Variants in MCCC1 observed in about 807,000 individuals in gnomAD.
MCCC1 encodes the protein methylcrotonyl-CoA carboxylase subunit 1, also known as methylcrotonoyl-CoA carboxylase subunit alpha, mitochondrial.
In MCCC1, 64 loss-of-function variants were observed where a neutral mutation model predicts 83.8. That is an observed-to-expected ratio of 0.76 (90% CI 0.62 to 0.94). The LOEUF is 0.94. Among genes scored for constraint, MCCC1 ranks in the 40% least tolerant of loss-of-function variants. The probability of loss-of-function intolerance (pLI) is 0.00; values close to 1 mark genes in which losing one functional copy is unlikely to be tolerated. For missense variants in MCCC1, 807 were observed against 904.7 expected, an observed-to-expected ratio of 0.89 and a Z score of 1.39; for synonymous variants, 322 against 315.4, an observed-to-expected ratio of 1.02 and a Z score of -0.22.
chr3:183,079,552 C>T (rs779472584), intron 4 of MCCC1, among the ~76,000 whole-genome samples: 7 of 152,200 alleles, frequency 4.6e-5, no homozygotes, highest in Non-Finnish European at 7.3e-5. Flanking sequence ...GGTATAGCCC[C>T]TCTCCTGGCA....
At chr3:183,085,251 A>G (rs1043404352) in intron 4 of MCCC1, among the ~76,000 whole-genome samples, 3 of 152,056 alleles carry the variant, frequency 2.0e-5, no homozygotes, top group Non-Finnish European at 4.4e-5. Context: ...TCAATCATCC[A>G]TTTCCCCACC....
At chr3:183,060,009 G>GT (rs1168099082) in intron 7 of MCCC1, among the ~76,000 whole-genome samples, 1 of 152,022 alleles carries the variant, frequency 6.6e-6, no homozygotes, top group Non-Finnish European at 1.5e-5. Flanking sequence ...TGGTTCTGTA[G>GT]TTTTGCATCT....
intron 12 of MCCC1, among the ~76,000 whole-genome samples, chr3:183,038,120 C>T (rs950128111): frequency 6.6e-6 from 1 of 152,188 alleles, no homozygotes; most frequent in African/African-American, 2.4e-5. Flanking sequence ...AGGAACAAAA[C>T]ATATGATGTC....
At chr3:183,076,254 TA>T (rs1717064635) in intron 4 of MCCC1, among the ~76,000 whole-genome samples, 1 of 152,208 alleles carries the variant, frequency 6.6e-6, no homozygotes, top group Admixed American at 6.5e-5. Context: ...GTTTTGCCTT[TA>T]AAAAAATTCA....
At chr3:183,110,380 C>G (rs1356268201) in intron 1 of MCCC1, among the ~76,000 whole-genome samples, 1 of 149,628 alleles carries the variant, frequency 6.7e-6, no homozygotes, top group Non-Finnish European at 1.5e-5. Context: ...AATTTTAGAT[C>G]CCTTTAGTCA....
intron 4 of MCCC1, among the ~76,000 whole-genome samples, chr3:183,084,507 G>T (rs778563190): frequency 2.0e-5 from 3 of 152,054 alleles, no homozygotes; most frequent in Non-Finnish European, 4.4e-5. Context: ...AACCAAAAAA[G>T]CTTCATAAAC....
intron 4 of MCCC1, among the ~76,000 whole-genome samples, chr3:183,084,430 C>T (rs1240979424): frequency 6.6e-6 from 1 of 152,152 alleles, no homozygotes; most frequent in African/African-American, 2.4e-5. Flanking sequence ...ATGTGAGATA[C>T]ATATGTATAT....
At chr3:183,084,485 A>T (rs1717747055) in intron 4 of MCCC1, among the ~76,000 whole-genome samples, 1 of 152,204 alleles carries the variant, frequency 6.6e-6, no homozygotes, top group African/African-American at 2.4e-5. Context: ...AGGACCTTTT[A>T]CTTCAAGCTG....
In MCCC1 at chr3:183,087,066, G is replaced by A. The variant is rs562632824; in HGVS notation, c.274-278C>T. Among the ~76,000 whole-genome samples the A allele has an allele frequency of 2.6e-5, 4 of 152,188 alleles. No homozygotes were observed. In the South Asian group the frequency reaches 8.3e-4, roughly 32 times the overall value. ...AAGTGTCTCAGGATAAAAAGCAACA[G>A]ACATTAGTCATGATATTATTACTAA... On this transcript the variant is annotated intron_variant, in intron 3 of 18. Transcript: ENST00000265594.
chr3:183,069,491 T>C (rs906778785), intron 7 of MCCC1, among the ~76,000 whole-genome samples: 4 of 152,162 alleles, frequency 2.6e-5, no homozygotes, highest in African/African-American at 9.7e-5. Context: ...CCCCTTTTTT[T>C]TTGCCTTAAT....
chr3:183,081,622 T>C (rs745586135), intron 4 of MCCC1, among the ~76,000 whole-genome samples: 24 of 152,214 alleles, frequency 1.6e-4, no homozygotes, highest in Middle Eastern at 3.2e-3. Context: ...GGTCAAGGAA[T>C]AGGCTGAGGT....
At position 183,071,055 on chromosome 3, in the gene MCCC1, A is replaced by G. The variant is rs1716633660; in HGVS notation, c.705T>C (p.Ala235=). ...TAGCATCATCATTGAAAGACTTCTT[A>G]GCTTCTCTCCGTGCTGACTCTAACT... ...QEQLESARRE[A]KKSFNDDAML... The change falls in exon 7 of 19, where the codon GCT becomes GCC. Residue 235 remains alanine, a synonymous_variant. Transcript: ENST00000265594. 1 of 1,614,112 alleles carries G rather than the reference A, an allele frequency of 6.2e-7. No homozygotes were observed. Among genetic ancestry groups the G allele is most frequent in the African/African-American group, 1.3e-5 (1 of 74,948 alleles).
chr3:183,052,638 C>A (rs1388528458), intron 8 of MCCC1, among the ~76,000 whole-genome samples: 1 of 150,790 alleles, frequency 6.6e-6, no homozygotes, highest in African/African-American at 2.4e-5. Context: ...GAAACCCTGT[C>A]TCTACTAAAA....
At chr3:183,030,153 CAA>C (rs1263435276) in intron 14 of MCCC1, among the ~76,000 whole-genome samples, 2 of 152,048 alleles carry the variant, frequency 1.3e-5, no homozygotes, top group African/African-American at 4.8e-5. Context: ...ACTAAAAACA[CAA>C]AAATTAGCTG....
intron 9 of MCCC1, among the ~76,000 whole-genome samples, chr3:183,049,870 A>G (rs1275425729): frequency 6.6e-6 from 1 of 152,324 alleles, no homozygotes; most frequent in South Asian, 2.1e-4. Context: ...TGTAATCCCA[A>G]CACTTTGGGA....
chr3:183,043,447 C>G (rs1218320963), intron 10 of MCCC1, among the ~76,000 whole-genome samples: 1 of 152,252 alleles, frequency 6.6e-6, no homozygotes, highest in Non-Finnish European at 1.5e-5. Flanking sequence ...AACCCCTAAC[C>G]TTGACATTTT....
rs1718970901 is a variant in MCCC1, at chr3:183,099,249, C to T, written c.89+103G>A. ...GTGCCTGGGGTTTTCCTACCGTCCT[C>T]CCCACACCGACCCTGGGTTCCGCCG... On this transcript the variant is annotated intron_variant, in intron 1 of 18. Coordinates refer to ENST00000265594, the MANE Select transcript of MCCC1 (RefSeq NM_020166.5). 3 of 1,378,246 alleles carry T rather than the reference C, an allele frequency of 2.2e-6. 1 individual carries two copies. The highest frequency in any genetic ancestry group is 2.0e-6 in the Non-Finnish European group (2 of 1,003,292). 85.4% of individuals were successfully genotyped at this position (1,378,246 alleles called of 1,614,324 possible).
chr3:183,110,689 C>T (rs544684847), intron 1 of MCCC1, among the ~76,000 whole-genome samples: 31 of 150,578 alleles, frequency 2.1e-4, no homozygotes, highest in Admixed American at 8.7e-4. Flanking sequence ...CCACCGCACC[C>T]GGCCTAGTCA....
intron 7 of MCCC1, among the ~76,000 whole-genome samples, chr3:183,058,308 T>C (rs570273162): frequency 6.6e-6 from 1 of 152,136 alleles, no homozygotes; most frequent in African/African-American, 2.4e-5. Flanking sequence ...ACATGAACAA[T>C]AAATCATAAT....
Sources: gnomAD v4.1 joint callset for allele counts (sites outside exome capture counted in the v4.1 genomes callset) on GRCh38, gnomAD v4.1.1 for gene constraint, MANE v1.5 for transcripts, NCBI Gene and HGNC (gene_info 2026-07-23, HGNC 2026-07-21) for gene names.